EPHB3: variants seen among roughly 807,000 people sequenced by gnomAD.
The protein encoded by EPHB3 is ephrin type-B receptor 3.
In EPHB3, 33 loss-of-function variants were observed where a neutral mutation model predicts 100.2. That is an observed-to-expected ratio of 0.33 (90% CI 0.25 to 0.44). The LOEUF (loss-of-function observed/expected upper bound fraction) is 0.44, where lower values mean the gene tolerates loss of function less well. Ranked by LOEUF, EPHB3 falls within the 20% of genes least tolerant of loss-of-function variation. The pLI is 1.00. For synonymous variants in EPHB3, 526 were observed against 554.7 expected (o/e 0.95, Z 0.73); for missense variants, 1,045 against 1,378.3 (o/e 0.76, Z 3.83).
chr3:184,572,649 A>G lies in EPHB3; in HGVS notation c.329A>G (p.Lys110Arg), dbSNP rs1325313342. 2.5e-6 allele frequency: 4 copies of G among 1,571,804 alleles called. No homozygotes were observed. Among genetic ancestry groups the G allele is most frequent in the East Asian group, 2.3e-5 (1 of 44,432 alleles). Residue 110 changes from lysine to arginine, a missense_variant, in exon 3 of 16, where the codon AAG (lysine) becomes AGG (arginine). By Grantham distance (26) the Lys-to-Arg change is conservative. This residue lies in a region of EPHB3 where 985 missense variants were observed against 1,331.1 expected (regional missense o/e 0.74). Transcript: ENST00000330394. This position sits in a 1 kb window ranked among gnomAD's most constrained non-coding sequence, Gnocchi z 6.6. ...GTGCAGCGGGTCTACGTGGAGCTCA[A>G]GTTCACTGTGCGTGACTGCAACAGC... Reference protein sequence around the residue: ...RDVQRVYVELKFTVRDCNSIP... With the variant: ...RDVQRVYVELRFTVRDCNSIP...
Position 184,580,841 on chromosome 3 carries a change from A to G in EPHB3, c.2501A>G (p.Tyr834Cys), listed in dbSNP as rs759032023. 4.3e-6 allele frequency: 7 copies of G among 1,614,076 alleles called. No individual in the cohort carries two copies. Among genetic ancestry groups the G allele is most frequent in the Non-Finnish European group, 5.9e-6 (7 of 1,180,018 alleles). Residue 834 changes from tyrosine to cysteine, a missense_variant, in exon 13 of 16, where the codon TAT (tyrosine) becomes TGT (cysteine). Physicochemically the swap from Tyr to Cys is radical, Grantham distance 194. This residue lies in a region of EPHB3 where 985 missense variants were observed against 1,331.1 expected (regional missense o/e 0.74). Coordinates refer to ENST00000330394, the MANE Select transcript of EPHB3 (RefSeq NM_004443.4). ...YGIVMWEVMS[Y>C]GERPYWDMSN... Reference sequence around the variant, plus strand: ...ATTGTCATGTGGGAGGTCATGAGCTATGGAGAGCGACCCTACTGGGACATG... The same window carrying G: ...ATTGTCATGTGGGAGGTCATGAGCTGTGGAGAGCGACCCTACTGGGACATG...
Position 184,579,733 on chromosome 3 carries a change from C to A in EPHB3, c.1971C>A (p.Arg657=). Residue 657 remains arginine (R), a synonymous_variant, in exon 11 of 16, where the codon CGC becomes CGA. Coordinates refer to ENST00000330394, the MANE Select transcript of EPHB3 (RefSeq NM_004443.4). This position sits in a 1 kb window ranked among gnomAD's most constrained non-coding sequence, Gnocchi z 5.2. ...GTGGTCGACTGAAACAGCCTGGCCG[C>A]CGAGAGGTGTTTGTGGCCATCAAGA... ...VCRGRLKQPG[R]REVFVAIKTL... The A allele has an allele frequency of 6.2e-7, 1 of 1,612,926 alleles. No homozygotes were observed. The highest frequency in any genetic ancestry group is 8.5e-7 in the Non-Finnish European group (1 of 1,179,456).
chr3:184,577,892 C>T lies in EPHB3; in HGVS notation c.1640-6C>T, dbSNP rs992193212. ...CTCCACTCAGCAGCCCCTTCTCTATCTCCAGGCTCTGGGGCCCAGCAGCTC... is the reference window on the plus strand; with the variant it reads ...CTCCACTCAGCAGCCCCTTCTCTATTTCCAGGCTCTGGGGCCCAGCAGCTC... On this transcript the variant is annotated splice_region_variant and splice_polypyrimidine_tract_variant and intron_variant, in intron 7 of 15. Coordinates refer to ENST00000330394, the MANE Select transcript of EPHB3 (RefSeq NM_004443.4). The surrounding 1 kb of genome is among the most constrained non-coding windows in gnomAD (Gnocchi z 4.9). 1 of 1,613,282 alleles carries T rather than the reference C, an allele frequency of 6.2e-7. No individual in the cohort carries two copies. The highest frequency in any genetic ancestry group is 1.3e-5 in the African/African-American group (1 of 74,998).
At chr3:184,580,327 G>C in intron 11 of EPHB3, 75 bp from the exon 12 acceptor site, 1 of 1,586,540 alleles carries the variant, frequency 6.3e-7, no homozygotes, top group Middle Eastern at 1.7e-4. Flanking sequence ...TGAGTACTCG[G>C]AGAGGGAAGG....
chr3:184,579,527 A>C lies in EPHB3; in HGVS notation c.1852A>C (p.Asn618His). 1.2e-6 allele frequency: 2 copies of C among 1,614,006 alleles called. No individual in the cohort carries two copies. The highest frequency in any genetic ancestry group is 8.5e-7 in the Non-Finnish European group (1 of 1,179,960). ...YIDPFTYEDP[N>H]EAVREFAKEI... ...TGACCCTTTTACCTACGAGGACCCT[A>C]ATGAGGCTGTTCGGGAGTTTGCCAA... The change falls in exon 10 of 16, where the codon AAT becomes CAT. Residue 618 changes from asparagine to histidine, a missense_variant. By Grantham distance (68) the Asn-to-His change is moderately conservative. Transcript: ENST00000330394. This position sits in a 1 kb window ranked among gnomAD's most constrained non-coding sequence, Gnocchi z 5.2.
In EPHB3 at chr3:184,576,059, G is replaced by A. The variant is rs921612909; in HGVS notation, c.1012+74G>A. On this transcript the variant is annotated intron_variant, in intron 4 of 15. Coordinates refer to ENST00000330394, the MANE Select transcript of EPHB3 (RefSeq NM_004443.4). ...GGGGCCAGCCTGGGAAGCCTAAGCA[G>A]TCACTATGAATAGCCCCATTTTCCA... 3.3e-6 allele frequency: 5 copies of A among 1,507,890 alleles called. No individual in the cohort carries two copies. The African/African-American group carries it at 4.2e-5, about 13-fold the overall frequency. 93.4% of individuals were successfully genotyped at this position (1,507,890 alleles called of 1,614,324 possible).
chr3:184,577,104 GC>G lies in EPHB3; in HGVS notation c.1276del (p.Gln426ArgfsTer19). 1 of 1,612,980 alleles carries G rather than the reference GC, an allele frequency of 6.2e-7. No homozygotes were observed. The highest frequency in any genetic ancestry group is 8.5e-7 in the Non-Finnish European group (1 of 1,179,524). ...LAHTRYTFEV[Q>X]AVNGVSGKSP... ...CCCACACGCGCTACACCTTTGAGGTGCAGGCGGTCAACGGTGTCTCGGGCAA... is the reference window on the plus strand; with the variant it reads ...CCCACACGCGCTACACCTTTGAGGTGAGGCGGTCAACGGTGTCTCGGGCAA... On this transcript the variant is annotated frameshift_variant, in exon 5 of 16. Coordinates refer to ENST00000330394, the MANE Select transcript of EPHB3 (RefSeq NM_004443.4). LOFTEE classifies it high-confidence loss of function. This position sits in a 1 kb window ranked among gnomAD's most constrained non-coding sequence, Gnocchi z 4.9.
In EPHB3 at chr3:184,576,843, C is replaced by T. The variant is rs201146779; in HGVS notation, c.1014C>T (p.Thr338=). 120 of 1,541,142 alleles carry T rather than the reference C, an allele frequency of 7.8e-5. No individual in the cohort carries two copies. Among genetic ancestry groups the T allele is most frequent in the Admixed American group, 6.7e-4 (35 of 52,618 alleles). The stretch of plus-strand genomic sequence containing the variant: ...CTTCTCCCTCCATATTCCTCACAGC[C>T]GTGCCATCTCCACCCCGAGGTGTGA... ...DSDSADSACT[T]VPSPPRGVIS... Residue 338 remains threonine, a splice_region_variant and synonymous_variant, in exon 5 of 16, where the codon ACC becomes ACT. Coordinates refer to ENST00000330394, the MANE Select transcript of EPHB3 (RefSeq NM_004443.4).
At chr3:184,581,463 G>A (rs1035712878) in intron 15 of EPHB3, 51 bp from the exon 16 acceptor site, 11 of 1,594,998 alleles carry the variant, frequency 6.9e-6, no homozygotes, top group East Asian at 4.5e-5. Context: ...GCTGGGCCCA[G>A]AGTTGAGGGC....
intron 3 of EPHB3, among the ~76,000 whole-genome samples, chr3:184,574,459 G>A (rs1446438175): frequency 1.3e-5 from 2 of 152,202 alleles, no homozygotes; most frequent in African/African-American, 4.8e-5. Flanking sequence ...AAGCTGGCAC[G>A]GAAGCCTCCT....
Position 184,562,391 on chromosome 3 carries a change from C to A in EPHB3, c.118+38C>A. On this transcript the variant is annotated intron_variant, in intron 1 of 15. Coordinates refer to ENST00000330394, the MANE Select transcript of EPHB3 (RefSeq NM_004443.4). This position sits in a 1 kb window ranked among gnomAD's most constrained non-coding sequence, Gnocchi z 4.8. ...GGGGGGCGCGCCCGGGAACAAGGTG[C>A]CTGGGGTCGCGGGGCTGCGGGCTAG... is the stretch of plus-strand genomic sequence containing the variant. 1 of 1,199,386 alleles carries A rather than the reference C, an allele frequency of 8.3e-7. No individual in the cohort carries two copies. Among genetic ancestry groups the A allele is most frequent in the Non-Finnish European group, 1.0e-6 (1 of 967,326 alleles). 74.3% of individuals were successfully genotyped at this position (1,199,386 alleles called of 1,614,324 possible).
Position 184,581,144 on chromosome 3 carries a change from T to G in EPHB3, c.2711T>G (p.Val904Gly). 1.2e-6 allele frequency: 2 copies of G among 1,614,134 alleles called. No individual in the cohort carries two copies. Among genetic ancestry groups the G allele is most frequent in the South Asian group, 1.1e-5 (1 of 91,072 alleles). ...ATCCGCAATGCTGCCAGCCTCAAGG[T>G]CATTGCCAGCGCTCAGTCTGGGTTA... ...KLIRNAASLK[V>G]IASAQSGMSQ... The change falls in exon 14 of 16, where the codon GTC becomes GGC. Residue 904 changes from valine (V) to glycine (G), a missense_variant. By Grantham distance (109) the Val-to-Gly change is moderately radical. This residue lies in a region of EPHB3 where 985 missense variants were observed against 1,331.1 expected (regional missense o/e 0.74). Coordinates refer to ENST00000330394, the MANE Select transcript of EPHB3 (RefSeq NM_004443.4).
chr3:184,569,090 T>C lies in EPHB3; in HGVS notation c.119-2228T>C, dbSNP rs1036407229. On this transcript the variant is annotated intron_variant, in intron 1 of 15. Coordinates refer to ENST00000330394, the MANE Select transcript of EPHB3 (RefSeq NM_004443.4). The surrounding 1 kb of genome is among the most constrained non-coding windows in gnomAD (Gnocchi z 5.4). ...GGCTGAATATTTGGGTTTAAACAGTTCCAGATGGGTTTGGCACAGGCTGAG... is the reference window on the plus strand; with the variant it reads ...GGCTGAATATTTGGGTTTAAACAGTCCCAGATGGGTTTGGCACAGGCTGAG... Among the ~76,000 whole-genome samples the C allele has an allele frequency of 6.6e-6, 1 of 152,008 alleles. No individual in the cohort carries two copies. Among genetic ancestry groups the C allele is most frequent in the African/African-American group, 2.4e-5 (1 of 41,384 alleles).
chr3:184,572,954 T>A lies in EPHB3; in HGVS notation c.634T>A (p.Cys212Ser), dbSNP rs1314485177. ...LISVRAFYKK[C>S]ASTTAGFALF... ...CTCCGTGCGCGCCTTCTACAAGAAG[T>A]GTGCATCCACCACCGCAGGCTTCGC... The change falls in exon 3 of 16, where the codon TGT (cysteine) becomes AGT (serine). Residue 212 changes from cysteine (C) to serine (S), a missense_variant. Cys to Ser is a moderately radical substitution (Grantham distance 112, BLOSUM62 -1). Coordinates refer to ENST00000330394, the MANE Select transcript of EPHB3 (RefSeq NM_004443.4). This position sits in a 1 kb window ranked among gnomAD's most constrained non-coding sequence, Gnocchi z 6.6. The A allele has an allele frequency of 6.3e-7, 1 of 1,584,968 alleles. No individual in the cohort carries two copies. Among genetic ancestry groups the A allele is most frequent in the Admixed American group, 1.7e-5 (1 of 57,600 alleles).
At position 184,573,166 on chromosome 3, in the gene EPHB3, C is replaced by T; in HGVS notation, c.846C>T (p.Ser282=). Residue 282 remains serine (S), a synonymous_variant, in exon 3 of 16, where the codon TCC becomes TCT. Coordinates refer to ENST00000330394, the MANE Select transcript of EPHB3 (RefSeq NM_004443.4). This position sits in a 1 kb window ranked among gnomAD's most constrained non-coding sequence, Gnocchi z 4.5. ...GCCATGAGCCAGCTGCCAAGGAGTC[C>T]CAGTGCCGCCGTGAGTGGGGACTGT... ...ATGHEPAAKE[S]QCRPCPPGSY... 2.5e-6 allele frequency: 4 copies of T among 1,611,996 alleles called. No homozygotes were observed. Among genetic ancestry groups the T allele is most frequent in the Non-Finnish European group, 3.4e-6 (4 of 1,180,008 alleles).
chr3:184,579,294 G>A lies in EPHB3; in HGVS notation c.1802-183G>A, dbSNP rs535137333. Reference sequence around the variant, plus strand: ...ATGAGAGATGAGAGAGAAAAACTAGGAGTAGAATCCTAGGTGTCTAGCCTT... The same window carrying A: ...ATGAGAGATGAGAGAGAAAAACTAGAAGTAGAATCCTAGGTGTCTAGCCTT... On this transcript the variant is annotated intron_variant, in intron 9 of 15. Coordinates refer to ENST00000330394, the MANE Select transcript of EPHB3 (RefSeq NM_004443.4). This position sits in a 1 kb window ranked among gnomAD's most constrained non-coding sequence, Gnocchi z 5.2. 5.9e-5 allele frequency among the ~76,000 whole-genome samples: 9 copies of A among 152,174 alleles called. No homozygotes were observed. The East Asian group carries it at 1.4e-3, about 23-fold the overall frequency.
In EPHB3 at chr3:184,572,334, T is replaced by C. The variant is rs1357605141; in HGVS notation, c.184-170T>C. On this transcript the variant is annotated intron_variant, in intron 2 of 15. Coordinates refer to ENST00000330394, the MANE Select transcript of EPHB3 (RefSeq NM_004443.4). The surrounding 1 kb of genome is among the most constrained non-coding windows in gnomAD (Gnocchi z 6.6). ...ACATGGCGGTTAAGTGACTTACCCA[T>C]AATCACACAGCAGGCAGAGAGCTGG... 1.3e-5 allele frequency among the ~76,000 whole-genome samples: 2 copies of C among 152,168 alleles called. No individual in the cohort carries two copies. Among genetic ancestry groups the C allele is most frequent in the Non-Finnish European group, 2.9e-5 (2 of 68,026 alleles).
chr3:184,578,364 G>A lies in EPHB3; in HGVS notation c.1749-50G>A, dbSNP rs1714735180. ...GAGCCCAAGGGTGCCCTGAACAAAG[G>A]GAGGCAGATGACTTGTCTCAGGCCT... On this transcript the variant is annotated intron_variant, in intron 8 of 15. Transcript: ENST00000330394. This position sits in a 1 kb window ranked among gnomAD's most constrained non-coding sequence, Gnocchi z 4.7. The A allele has an allele frequency of 1.2e-6, 2 of 1,613,100 alleles. No homozygotes were observed. Among genetic ancestry groups the A allele is most frequent in the African/African-American group, 1.3e-5 (1 of 75,012 alleles).
rs1270803334 is a variant in EPHB3 at position 184,581,343 on chromosome 3, G to A, written c.2823G>A (p.Arg941=). 6.2e-7 allele frequency: 1 copy of A among 1,610,218 alleles called. No individual in the cohort carries two copies. Among genetic ancestry groups the A allele is most frequent in the South Asian group, 1.1e-5 (1 of 90,294 alleles). Residue 941 remains arginine (R), a synonymous_variant, in exon 15 of 16, where the codon CGG becomes CGA. Coordinates refer to ENST00000330394, the MANE Select transcript of EPHB3 (RefSeq NM_004443.4). ...GGCTGGATGCCATCAAGATGGGGCG[G>A]TACAAGGAGAGCTTCGTCAGTGCGG... ...GDWLDAIKMG[R]YKESFVSAGF...
Sources: allele counts gnomAD v4.1 joint callset (sites outside exome capture counted in the v4.1 genomes callset), GRCh38; gene constraint gnomAD v4.1.1; regional missense constraint gnomAD v4.1.1; non-coding constraint Gnocchi (gnomAD v3.1); transcripts MANE v1.5; gene names NCBI Gene and HGNC (gene_info 2026-07-23, HGNC 2026-07-21).